Variants in CSMD3 observed in about 807,000 individuals in gnomAD.
CSMD3 encodes the protein CUB and Sushi multiple domains 3, also known as CUB and sushi domain-containing protein 3.
CSMD3 carries 177 observed loss-of-function variants against 435.2 expected under a neutral mutation model. The observed-to-expected ratio is 0.41, with a 90% CI of 0.36 to 0.46. The LOEUF is 0.46. CSMD3 is among the 20% of genes least tolerant of loss of function. CSMD3 has a pLI of 0.34. For missense variants in CSMD3, 4,265 were observed against 4,504.6 expected (o/e 0.95, Z 1.52); for synonymous variants, 1,656 against 1,520.5 (o/e 1.09, Z -2.07).
intron 1 of CSMD3, among the ~76,000 whole-genome samples, chr8:113,388,304 T>C (rs1440856212): frequency 6.6e-6 from 1 of 151,412 alleles, no homozygotes; most frequent in Non-Finnish European, 1.5e-5. Flanking sequence ...ATAATGGAGA[T>C]ATAGGATATT....
chr8:112,818,971 G>A (rs955374547), intron 12 of CSMD3, among the ~76,000 whole-genome samples: 2 of 151,970 alleles, frequency 1.3e-5, no homozygotes. Context: ...CAGTTCAAGA[G>A]GGATCAGAAA....
At chr8:113,281,831 T>C (rs2093615102) in intron 2 of CSMD3, among the ~76,000 whole-genome samples, 1 of 151,958 alleles carries the variant, frequency 6.6e-6, no homozygotes, top group Non-Finnish European at 1.5e-5. Flanking sequence ...TGTTTCAAGA[T>C]TTACAGCTCC....
chr8:113,209,798 T>C (rs138089464), intron 3 of CSMD3, among the ~76,000 whole-genome samples: 3 of 152,212 alleles, frequency 2.0e-5, no homozygotes, highest in African/African-American at 7.2e-5. Flanking sequence ...TTTAAGAAAA[T>C]GCAATTTTTA....
Position 112,265,404 on chromosome 8 carries a change from A to G in CSMD3, c.9688+7T>C, listed in dbSNP as rs1306636999. ...ATTTTTAAATGTTGAAGAAATCATT[A>G]TCATACCTCTACAAGTTGGCATTAC... On this transcript the variant is annotated splice_region_variant and intron_variant, in intron 60 of 70. Transcript: ENST00000297405. 7.5e-6 allele frequency: 12 copies of G among 1,598,522 alleles called. No homozygotes were observed. Among genetic ancestry groups the G allele is most frequent in the African/African-American group, 1.3e-5 (1 of 74,660 alleles).
intron 4 of CSMD3, among the ~76,000 whole-genome samples, chr8:113,168,813 T>C (rs1588194091): frequency 1.3e-5 from 2 of 152,102 alleles, no homozygotes; most frequent in South Asian, 4.1e-4. Flanking sequence ...TTTAGTATCA[T>C]ATTTCTGATA....
At chr8:113,251,267 T>C (rs1432815429) in intron 3 of CSMD3, among the ~76,000 whole-genome samples, 1 of 152,008 alleles carries the variant, frequency 6.6e-6, no homozygotes, top group Non-Finnish European at 1.5e-5. Context: ...AGAGAAACAG[T>C]AGGAAGCACA....
intron 1 of CSMD3, among the ~76,000 whole-genome samples, chr8:113,357,911 T>C (rs370621552): frequency 4.6e-5 from 7 of 152,320 alleles, no homozygotes; most frequent in African/African-American, 1.7e-4. Flanking sequence ...CCAGCCTTGC[T>C]TCCTGCACAG....
At chr8:112,755,331 A>AAATAATAAT (rs71309790) in intron 13 of CSMD3, among the ~76,000 whole-genome samples, 16,205 of 128,302 alleles carry the variant, frequency 0.13, 1,004 homozygotes, top group African/African-American at 0.14. Flanking sequence ...ACTCCGTCTC[A>AAATAATAAT]AATAATAATA....
intron 4 of CSMD3, among the ~76,000 whole-genome samples, chr8:113,166,291 G>A (rs1404923089): frequency 5.9e-5 from 9 of 152,044 alleles, no homozygotes. Flanking sequence ...GATCACTTGA[G>A]GTCAGGAGTT....
chr8:112,533,843 A>G (rs770232063), intron 27 of CSMD3, among the ~76,000 whole-genome samples: 3 of 152,130 alleles, frequency 2.0e-5, no homozygotes, highest in Non-Finnish European at 4.4e-5. Flanking sequence ...CACCAGGAAC[A>G]TTCTCTGAGA....
At chr8:113,353,028 G>C (rs1433430864) in intron 1 of CSMD3, among the ~76,000 whole-genome samples, 2 of 152,134 alleles carry the variant, frequency 1.3e-5, no homozygotes, top group Non-Finnish European at 2.9e-5. Context: ...AATAAGACAA[G>C]GAAATAGGCT....
chr8:113,013,481 A>G (rs1321430491), intron 6 of CSMD3, among the ~76,000 whole-genome samples: 1 of 152,052 alleles, frequency 6.6e-6, no homozygotes, highest in Non-Finnish European at 1.5e-5. Flanking sequence ...AGATCGGGCG[A>G]GTTAAGGGTG....
At chr8:113,381,229 A>G (rs1276934437) in intron 1 of CSMD3, among the ~76,000 whole-genome samples, 1 of 152,232 alleles carries the variant, frequency 6.6e-6, no homozygotes, top group East Asian at 1.9e-4. Context: ...AATGATTTTC[A>G]TAGAATAATT....
chr8:112,947,905 G>T (rs2083671875), intron 8 of CSMD3, 28 bp from the exon 9 acceptor site: 2 of 921,848 alleles, frequency 2.2e-6, no homozygotes, highest in Middle Eastern at 2.1e-4. Context: ...AAAGAAAAAA[G>T]AAACAAAATA....
intron 32 of CSMD3, among the ~76,000 whole-genome samples, chr8:112,464,053 G>T (rs1817706773): frequency 6.6e-6 from 1 of 151,940 alleles, no homozygotes. Flanking sequence ...TGGCTAACAC[G>T]GTGAAACCTC....
chr8:112,674,103 C>T (rs2075719161), intron 16 of CSMD3, among the ~76,000 whole-genome samples: 5 of 151,990 alleles, frequency 3.3e-5, no homozygotes, highest in Admixed American at 3.3e-4. Context: ...ATTCACTCAC[C>T]CAAGGTGCCT....
At chr8:112,543,127 A>C (rs2131148832) in intron 27 of CSMD3, among the ~76,000 whole-genome samples, 1 of 152,328 alleles carries the variant, frequency 6.6e-6, no homozygotes, top group Non-Finnish European at 1.5e-5. Context: ...TAAACGCCAG[A>C]CCTGAAACTG....
At chr8:112,995,389 A>G (rs1184584621) in intron 6 of CSMD3, among the ~76,000 whole-genome samples, 2 of 151,514 alleles carry the variant, frequency 1.3e-5, no homozygotes, top group Admixed American at 6.6e-5. Context: ...TGCTTCAAAG[A>G]TATTAAACAG....
At chr8:112,536,266 C>T (rs1361864063) in intron 27 of CSMD3, among the ~76,000 whole-genome samples, 2 of 151,834 alleles carry the variant, frequency 1.3e-5, no homozygotes, top group Non-Finnish European at 2.9e-5. Context: ...TTTTCGCAAC[C>T]TACTCATCTG....
Sources: allele counts gnomAD v4.1 joint callset (sites outside exome capture counted in the v4.1 genomes callset), GRCh38; gene constraint gnomAD v4.1.1; transcripts MANE v1.5; gene names NCBI Gene and HGNC (gene_info 2026-07-23, HGNC 2026-07-21).